Variants in BICRA observed in about 807,000 individuals in gnomAD.
BICRA encodes BRD4-interacting chromatin-remodeling complex-associated protein.
A neutral mutation model predicts 96.9 loss-of-function variants in BICRA; 31 were observed. The observed-to-expected ratio is 0.32, with a 90% CI of 0.24 to 0.43. The LOEUF (loss-of-function observed/expected upper bound fraction) is 0.43, where lower values mean the gene tolerates loss of function less well. Ranked by LOEUF, BICRA falls within the 20% of genes least tolerant of loss-of-function variation. BICRA has a pLI of 1.00. For synonymous variants in BICRA, 1,350 were observed against 1,071.8 expected, an observed-to-expected ratio of 1.26 and a Z score of -5.07; for missense variants, 2,283 against 2,190.3, an observed-to-expected ratio of 1.04 and a Z score of -0.84.
upstream of BICRA, chr19:47,608,336 C>T (rs1335647574): frequency 1.3e-5 from 2 of 152,516 alleles, no homozygotes; most frequent in African/African-American, 4.8e-5. Flanking sequence ...AAGTCCCCGC[C>T]GCCTTCCACC....
intron 5 of BICRA, 37 bp from the exon 6 acceptor site, chr19:47,679,284 C>T (rs1183354481): frequency 2.8e-6 from 4 of 1,408,912 alleles, no homozygotes; most frequent in African/African-American, 3.0e-5. Context: ...CCCTTGCTAA[C>T]CTCAGCTCTT....
In BICRA at chr19:47,680,695, C is replaced by T; in HGVS notation, c.1525C>T (p.Leu509Phe). The T allele has an allele frequency of 6.2e-7, 1 of 1,601,712 alleles. No individual in the cohort carries two copies. The highest frequency in any genetic ancestry group is 8.5e-7 in the Non-Finnish European group (1 of 1,174,558). ...CGCTGCCCCCCACACAGGTGGACAG[C>T]TCATCGCGAACCCCATCCTCACAAA... is the stretch of plus-strand genomic sequence containing the variant. ...AAAAPHTGGQ[L>F]IANPILTNQN... The change falls in exon 6 of 15, where the codon CTC (leucine) becomes TTC (phenylalanine). Residue 509 changes from leucine (L) to phenylalanine (F), a missense_variant. By Grantham distance (22) the Leu-to-Phe change is conservative. Transcript: ENST00000594866.
rs60179476 is a variant in BICRA at position 47,656,069 on chromosome 19, G to GACACACACACACAC, written c.-107-14345_-107-14332dup. Among the ~76,000 whole-genome samples the GACACACACACACAC allele has an allele frequency of 2.6e-3, 345 of 132,218 alleles. 2 individuals are homozygous for GACACACACACACAC. The highest frequency in any genetic ancestry group is 4.1e-3 in the South Asian group (16 of 3,894). The allele number at this position is 132,218 out of a possible 152,430, so 86.7% of individuals were successfully genotyped here. On this transcript the variant is annotated intron_variant, in intron 1 of 14. Coordinates refer to ENST00000594866, the MANE Select transcript of BICRA (RefSeq NM_001394372.1). ...GGGGAACATGGTGAGATCCTGTCTC[G>GACACACACACACAC]ACACACACACACACACACACACACA...
Position 47,681,182 on chromosome 19 carries a change from C to A in BICRA, c.2012C>A (p.Ala671Glu). Residue 671 changes from alanine to glutamate, a missense_variant, in exon 6 of 15, where the codon GCG (alanine) becomes GAG (glutamate). By Grantham distance (107) the Ala-to-Glu change is moderately radical (BLOSUM62 -1). Coordinates refer to ENST00000594866, the MANE Select transcript of BICRA (RefSeq NM_001394372.1). ...ACCCCCCAGCCCAGCCCTGGCCTGG[C>A]GTCTAGCCCGGAGAAGATCGTCCTG... ...ATTPQPSPGL[A>E]SSPEKIVLGQ... 1 of 1,529,260 alleles carries A rather than the reference C, an allele frequency of 6.5e-7. No individual in the cohort carries two copies. Among genetic ancestry groups the A allele is most frequent in the Non-Finnish European group, 8.8e-7 (1 of 1,140,896 alleles). The allele number at this position is 1,529,260 out of a possible 1,614,324, so 94.7% of individuals were successfully genotyped here. A position where few individuals can be genotyped will look rare whatever the true frequency, so the allele number is the denominator to read the frequency against.
chr19:47,671,958 T>TA (rs2123574848), intron 2 of BICRA, among the ~76,000 whole-genome samples: 1 of 78,878 alleles, frequency 1.3e-5, no homozygotes, highest in African/African-American at 5.1e-5. Flanking sequence ...GGTAGATGGA[T>TA]GGAAGGATGG....
In BICRA at chr19:47,681,192, G is replaced by T; in HGVS notation, c.2022G>T (p.Pro674=). Residue 674 remains proline, a synonymous_variant, in exon 6 of 15, where the codon CCG becomes CCT. Coordinates refer to ENST00000594866, the MANE Select transcript of BICRA (RefSeq NM_001394372.1). ...CCAGCCCTGGCCTGGCGTCTAGCCC[G>T]GAGAAGATCGTCCTGGGGCAGCCGC... is the stretch of plus-strand genomic sequence containing the variant. ...PQPSPGLASS[P]EKIVLGQPPS... is the part of the protein sequence containing the mutation. 1.3e-6 allele frequency: 2 copies of T among 1,522,462 alleles called. No individual in the cohort carries two copies. The highest frequency in any genetic ancestry group is 1.8e-6 in the Non-Finnish European group (2 of 1,137,460). 94.3% of individuals were successfully genotyped at this position (1,522,462 alleles called of 1,614,324 possible).
rs1232927804 is a variant in BICRA, at chr19:47,679,424, C to T, written c.254C>T (p.Pro85Leu). The change falls in exon 6 of 15, where the codon CCT becomes CTT. Residue 85 changes from proline (P) to leucine (L), a missense_variant. Coordinates refer to ENST00000594866, the MANE Select transcript of BICRA (RefSeq NM_001394372.1). ...CTGGAAGATGACATCCTGGGCTCTC[C>T]TGCGACAGGGGGCGGCGGCGGGGGC... The part of the protein sequence containing the change: ...DFLEDDILGS[P>L]ATGGGGGGSG... 3 of 1,487,528 alleles carry T rather than the reference C, an allele frequency of 2.0e-6. No homozygotes were observed. Among genetic ancestry groups the T allele is most frequent in the Non-Finnish European group, 2.7e-6 (3 of 1,116,824 alleles). The allele number at this position is 1,487,528 out of a possible 1,614,324, so 92.1% of individuals were successfully genotyped here.
intron 7 of BICRA, among the ~76,000 whole-genome samples, chr19:47,682,677 T>TC (rs1355910705): frequency 7.5e-5 from 5 of 66,350 alleles, no homozygotes; most frequent in South Asian, 4.7e-4. Context: ...TCTCTCTCTC[T>TC]TTTTTTTTTT....
intron 4 of BICRA, among the ~76,000 whole-genome samples, chr19:47,674,018 AAAT>A (rs1972905141): frequency 1.3e-5 from 2 of 152,200 alleles, no homozygotes; most frequent in Non-Finnish European, 2.9e-5. Context: ...GTATGATAAA[AAAT>A]AATAATGTCA....
rs34512769 is a variant in BICRA, at chr19:47,638,613, T to TCACACA, written c.-108+29463_-108+29468dup. On this transcript the variant is annotated intron_variant, in intron 1 of 14. Transcript: ENST00000594866. ...CTCTCTGTTTCTCTCTCTCTCTCTGTCACACACACACACACACACACACTT... is the reference window on the plus strand; with the variant it reads ...CTCTCTGTTTCTCTCTCTCTCTCTGTCACACACACACACACACACACACACACACTT... 5.4e-3 allele frequency among the ~76,000 whole-genome samples: 817 copies of TCACACA among 149,914 alleles called. 7 individuals carry two copies. Among genetic ancestry groups the TCACACA allele is most frequent in the African/African-American group, 0.013 (533 of 40,916 alleles).
At chr19:47,665,509 G>A (rs1253684338) in intron 1 of BICRA, among the ~76,000 whole-genome samples, 3 of 152,170 alleles carry the variant, frequency 2.0e-5, no homozygotes, top group African/African-American at 7.2e-5. Flanking sequence ...TCGCTGTCTT[G>A]CCCAGGCTGG....
At chr19:47,648,031 C>T (rs541713949) in intron 1 of BICRA, among the ~76,000 whole-genome samples, 17 of 151,936 alleles carry the variant, frequency 1.1e-4, no homozygotes, top group African/African-American at 3.9e-4. Context: ...GGTCGGTGTG[C>T]GGGATAGGGG....
chr19:47,630,818 C>T (rs1038864661), intron 1 of BICRA, among the ~76,000 whole-genome samples: 2 of 152,164 alleles, frequency 1.3e-5, no homozygotes, highest in African/African-American at 2.4e-5. Flanking sequence ...TCTGTTCTAA[C>T]TTTTGGAGGA....
Position 47,701,546 on chromosome 19 carries a change from T to C in BICRA, c.3814T>C (p.Ser1272Pro). The C allele has an allele frequency of 6.5e-7, 1 of 1,534,812 alleles. No individual in the cohort carries two copies. The highest frequency in any genetic ancestry group is 8.8e-7 in the Non-Finnish European group (1 of 1,134,892). The part of the protein sequence containing the change: ...ARASSSLSSS[S>P]SSSSAASSLD... ...GGCGTCCTCCTCCCTGTCCTCCTCT[T>C]CCTCCTCCTCCTCTGCCGCCTCCTC... Residue 1272 changes from serine to proline, a missense_variant, in exon 15 of 15, where the codon TCC becomes CCC. By Grantham distance (74) the Ser-to-Pro change is moderately conservative. Transcript: ENST00000594866. The surrounding 1 kb of genome is among the most constrained non-coding windows in gnomAD (Gnocchi z 5.4).
rs537373007 is a variant in BICRA, at chr19:47,623,693, C to T, written c.-108+14525C>T. On this transcript the variant is annotated intron_variant, in intron 1 of 14. Coordinates refer to ENST00000594866, the MANE Select transcript of BICRA (RefSeq NM_001394372.1). ...GCCAGCTGAGCCTGGGGAGGTCAGG[C>T]GGGGAGGCATCAGGGTAGGCTTCCT... is the stretch of plus-strand genomic sequence containing the variant. Among the ~76,000 whole-genome samples, 7 of 151,966 alleles carry T rather than the reference C, an allele frequency of 4.6e-5. No individual in the cohort carries two copies. In the South Asian group the frequency reaches 1.0e-3, roughly 23 times the overall value.
chr19:47,633,322 C>T (rs1159565064), intron 1 of BICRA, among the ~76,000 whole-genome samples: 4 of 151,830 alleles, frequency 2.6e-5, no homozygotes, highest in South Asian at 2.1e-4. Flanking sequence ...TCAAGTGATC[C>T]GCCTGCCTTG....
intron 7 of BICRA, among the ~76,000 whole-genome samples, chr19:47,690,580 T>C (rs937450022): frequency 5.3e-5 from 8 of 152,186 alleles, no homozygotes; most frequent in African/African-American, 1.7e-4. Context: ...ATTTCTCTTA[T>C]TACAAGTGAG....
chr19:47,680,699 T>C lies in BICRA; in HGVS notation c.1529T>C (p.Ile510Thr). Reference protein sequence around the residue: ...AAAPHTGGQLIANPILTNQNL... With the variant: ...AAAPHTGGQLTANPILTNQNL... ...GCCCCCCACACAGGTGGACAGCTCA[T>C]CGCGAACCCCATCCTCACAAACCAG... Residue 510 changes from isoleucine to threonine, a missense_variant, in exon 6 of 15, where the codon ATC becomes ACC. Physicochemically the swap from Ile to Thr is moderately conservative, Grantham distance 89 (BLOSUM62 -1). Transcript: ENST00000594866. The C allele has an allele frequency of 6.2e-7, 1 of 1,601,672 alleles. No individual in the cohort carries two copies. The highest frequency in any genetic ancestry group is 8.5e-7 in the Non-Finnish European group (1 of 1,174,628).
At chr19:47,665,560 C>A (rs575934834) in intron 1 of BICRA, among the ~76,000 whole-genome samples, 4 of 152,154 alleles carry the variant, frequency 2.6e-5, no homozygotes, top group Non-Finnish European at 4.4e-5. Flanking sequence ...GCCTCGAACT[C>A]CTGGGTTCAA....
Sources: gnomAD v4.1 joint callset for allele counts (sites outside exome capture counted in the v4.1 genomes callset) on GRCh38, gnomAD v4.1.1 for gene constraint, Gnocchi (gnomAD v3.1) non-coding constraint, MANE v1.5 for transcripts, NCBI Gene and HGNC (gene_info 2026-07-23, HGNC 2026-07-21) for gene names.